Variants in NIN observed in about 807,000 individuals in gnomAD.
NIN encodes the protein ninein, also known as glycogen synthase kinase 3 beta-interacting protein.
In NIN, 137 loss-of-function variants were observed where a neutral mutation model predicts 257.6. The ratio of observed to expected loss-of-function variants is 0.53; its 90% CI spans 0.46 to 0.61. NIN has a LOEUF of 0.61. Ranked by LOEUF, NIN falls within the 20% of genes least tolerant of loss-of-function variation. NIN has a pLI of 0.00. For missense variants in NIN, 2,439 were observed against 2,501.2 expected (o/e 0.98, Z 0.53); for synonymous variants, 918 against 919.8 (o/e 1.00, Z 0.04).
At chr14:50,820,895 T>C (rs889582431) in intron 3 of NIN, among the ~76,000 whole-genome samples, 1 of 152,212 alleles carries the variant, frequency 6.6e-6, no homozygotes, top group African/African-American at 2.4e-5. Context: ...CATGGTACTA[T>C]ATCTGAAGTC....
At chr14:50,746,940 G>A (rs1182380418) in intron 22 of NIN, among the ~76,000 whole-genome samples, 3 of 152,124 alleles carry the variant, frequency 2.0e-5, no homozygotes, top group African/African-American at 4.8e-5. Flanking sequence ...CAGCTCACTG[G>A]AGGCTTGACT....
intron 3 of NIN, among the ~76,000 whole-genome samples, chr14:50,811,529 T>A (rs1265761454): frequency 1.6e-5 from 2 of 127,982 alleles, no homozygotes; most frequent in African/African-American, 5.7e-5. Flanking sequence ...AAATTTTAAA[T>A]CCCCAATGGT....
Position 50,756,735 on chromosome 14 carries a change from T to G in NIN, c.4295A>C (p.Glu1432Ala). The change falls in exon 18 of 31, where the codon GAG (glutamate) becomes GCG (alanine). Residue 1432 changes from glutamate to alanine, a missense_variant. Glu to Ala is a moderately radical substitution (Grantham distance 107, BLOSUM62 -1). Coordinates refer to ENST00000530997, the MANE Select transcript of NIN (RefSeq NM_020921.4). ...AAAGCCTAGGAGAGTAGTGTTTTCC[T>G]CCAGTATAACTTGATTCTGTACTCT... The part of the protein sequence containing the change: ...RPRVQNQVIL[E>A]ENTTLLGFQD... 6.4e-7 allele frequency: 1 copy of G among 1,551,678 alleles called. No individual in the cohort carries two copies. The highest frequency in any genetic ancestry group is 1.4e-5 in the African/African-American group (1 of 73,170).
Position 50,829,419 on chromosome 14 carries a change from CAT to C in NIN, c.-22+1043_-22+1044del, listed in dbSNP as rs141828055. On this transcript the variant is annotated intron_variant, in intron 2 of 30. Transcript: ENST00000530997. ...CATCAAGCCTCCGGAATCATGCAAA[CAT>C]GTGTGTATGTTATGGTGTTTACGGG... Among the ~76,000 whole-genome samples, 978 of 152,294 alleles carry C rather than the reference CAT, an allele frequency of 6.4e-3. 14 individuals carry two copies. Among genetic ancestry groups the C allele is most frequent in the African/African-American group, 0.022 (924 of 41,546 alleles).
chr14:50,766,946 G>T, intron 12 of NIN, 56 bp from the exon 13 acceptor site: 1 of 1,191,124 alleles, frequency 8.4e-7, no homozygotes, highest in Non-Finnish European at 1.2e-6. Flanking sequence ...AGCAAACTGT[G>T]GTACTATTTT....
chr14:50,750,891 C>T (rs1466245596), intron 21 of NIN, among the ~76,000 whole-genome samples: 1 of 152,192 alleles, frequency 6.6e-6, no homozygotes, highest in Non-Finnish European at 1.5e-5. Flanking sequence ...TCTCATTCCT[C>T]TGTTCCATCC....
intron 5 of NIN, among the ~76,000 whole-genome samples, chr14:50,783,953 A>G (rs970611592): frequency 3.5e-5 from 5 of 143,424 alleles, no homozygotes; most frequent in Non-Finnish European, 1.5e-5. Context: ...TTGGAAAAGT[A>G]GGGGGGAAAG....
At chr14:50,827,674 T>C (rs1197468960) in intron 2 of NIN, among the ~76,000 whole-genome samples, 4 of 149,552 alleles carry the variant, frequency 2.7e-5, no homozygotes, top group African/African-American at 9.8e-5. Context: ...GAAGTGTTGC[T>C]TGAACCTGGG....
chr14:50,761,944 C>G (rs1420947145), intron 15 of NIN, 33 bp from the exon 16 acceptor site: 5 of 1,612,396 alleles, frequency 3.1e-6, no homozygotes, highest in East Asian at 2.2e-5. Flanking sequence ...GATCCTGCAG[C>G]AGGTTCTTTC....
intron 5 of NIN, among the ~76,000 whole-genome samples, chr14:50,782,128 C>G (rs2141921161): frequency 6.6e-6 from 1 of 152,200 alleles, no homozygotes; most frequent in South Asian, 2.1e-4. Flanking sequence ...TAAGATATAA[C>G]TTCTACTACC....
At chr14:50,754,706 A>G in intron 19 of NIN, 36 bp downstream of exon 19, 1 of 1,579,562 alleles carries the variant, frequency 6.3e-7, no homozygotes, top group Non-Finnish European at 8.6e-7. Flanking sequence ...TAGTCTTTGC[A>G]AAAATGTCTT....
At chr14:50,737,646 GTTTTT>G (rs35662853) in intron 27 of NIN, among the ~76,000 whole-genome samples, 114 of 137,042 alleles carry the variant, frequency 8.3e-4, no homozygotes, top group Middle Eastern at 3.7e-3. Context: ...TTTTGTTGTT[GTTTTT>G]TTTTTTTTTT....
intron 14 of NIN, 41 bp downstream of exon 14, chr14:50,766,266 C>T: frequency 6.6e-7 from 1 of 1,525,780 alleles, no homozygotes; most frequent in Non-Finnish European, 9.1e-7. Flanking sequence ...GGTCTGAACC[C>T]AGGCACTCCT....
intron 21 of NIN, among the ~76,000 whole-genome samples, chr14:50,752,158 G>GTTT (rs4027697): frequency 0.016 from 2,419 of 148,662 alleles, 66 homozygotes; most frequent in African/African-American, 0.055. Flanking sequence ...TATTTGTATA[G>GTTT]TTTTTTTTTT....
intron 5 of NIN, among the ~76,000 whole-genome samples, chr14:50,789,029 A>T (rs1375759886): frequency 6.6e-6 from 1 of 152,176 alleles, no homozygotes; most frequent in East Asian, 1.9e-4. Context: ...CCTTTCCCTA[A>T]GCTGGGATCC....
At chr14:50,795,321 G>A (rs1335213830) in intron 4 of NIN, among the ~76,000 whole-genome samples, 9 of 152,232 alleles carry the variant, frequency 5.9e-5, no homozygotes, top group East Asian at 1.9e-4. Flanking sequence ...TAGAGCATCC[G>A]CCTCATTGCA....
rs751398557 is a variant in NIN at position 50,754,645 on chromosome 14, A to C, written c.4665-13T>G. ...TTCCGTTTTTTGCCTAAAAGGAATG[A>C]TGAAAATAAAATTTAATGGTTAGGC... On this transcript the variant is annotated splice_polypyrimidine_tract_variant and intron_variant, in intron 19 of 30. Coordinates refer to ENST00000530997, the MANE Select transcript of NIN (RefSeq NM_020921.4). 6.2e-7 allele frequency: 1 copy of C among 1,604,826 alleles called. No individual in the cohort carries two copies. Among genetic ancestry groups the C allele is most frequent in the Non-Finnish European group, 8.5e-7 (1 of 1,176,102 alleles).
At chr14:50,759,562 C>T (rs1043588573) in intron 17 of NIN, among the ~76,000 whole-genome samples, 2 of 151,540 alleles carry the variant, frequency 1.3e-5, no homozygotes, top group Non-Finnish European at 2.9e-5. Flanking sequence ...AGCGCGATCT[C>T]GGCTCACTGC....
In NIN at chr14:50,757,871, A is replaced by C. The variant is rs1210003204; in HGVS notation, c.3159T>G (p.Leu1053=). ...EVEGDGALSL[L]QQGEQLLEEN... ...CTTCCAACAGCTGCTCCCCTTGCTG[A>C]AGCAGGGACAGGGCTCCATCTCCTT... is the stretch of plus-strand genomic sequence containing the variant. The change falls in exon 18 of 31, where the codon CTT becomes CTG. Residue 1053 remains leucine (L), a synonymous_variant. Transcript: ENST00000530997. 2 of 1,614,008 alleles carry C rather than the reference A, an allele frequency of 1.2e-6. No individual in the cohort carries two copies. Among genetic ancestry groups the C allele is most frequent in the Middle Eastern group, 1.6e-4 (1 of 6,082 alleles).
Sources: gnomAD v4.1 joint callset for allele counts (sites outside exome capture counted in the v4.1 genomes callset) on GRCh38, gnomAD v4.1.1 for gene constraint, MANE v1.5 for transcripts, NCBI Gene and HGNC (gene_info 2026-07-23, HGNC 2026-07-21) for gene names.